The following PPA2 variants were observed in gnomAD, a reference collection of about 807,000 sequenced individuals.
The protein encoded by PPA2 is inorganic pyrophosphatase 2, mitochondrial.
A neutral mutation model predicts 49.5 loss-of-function variants in PPA2; 48 were observed. The ratio of observed to expected loss-of-function variants is 0.97; its 90% CI spans 0.77 to 1.23. The LOEUF (loss-of-function observed/expected upper bound fraction) is 1.23. Ranked by LOEUF, PPA2 falls within the 50% of genes most tolerant of loss-of-function variation. The probability of loss-of-function intolerance (pLI) is 0.00; values close to 1 mark genes in which losing one functional copy is unlikely to be tolerated. For synonymous variants in PPA2, 131 were observed against 139.9 expected (o/e 0.94, Z 0.45); for missense variants, 429 against 410.1 (o/e 1.05, Z -0.40).
chr4:105,375,581 A>G (rs1032331228), intron 10 of PPA2, among the ~76,000 whole-genome samples: 3 of 152,132 alleles, frequency 2.0e-5, no homozygotes, highest in African/African-American at 7.2e-5. Flanking sequence ...GCGTGCCCAT[A>G]GAGGGAAGTA....
chr4:105,373,362 G>A (rs563574446), intron 10 of PPA2, among the ~76,000 whole-genome samples: 31 of 152,138 alleles, frequency 2.0e-4, no homozygotes, highest in Admixed American at 1.8e-3. Context: ...ACCATAAAAC[G>A]GGTTAACCTG....
Position 105,438,071 on chromosome 4 carries a change from A to T in PPA2, c.442-35T>A, listed in dbSNP as rs115990263. 7.0e-4 allele frequency: 967 copies of T among 1,377,344 alleles called. 6 individuals are homozygous for T. The African/African-American group carries it at 0.013, about 18-fold the overall frequency. The allele number at this position is 1,377,344 out of a possible 1,614,324, so 85.3% of individuals were successfully genotyped here. On this transcript the variant is annotated intron_variant, in intron 5 of 11. Transcript: ENST00000341695. ...TTTTTTTAAAAAAAAGCAGAAATGT[A>T]AGTTAATACTATAATGTACTTTAAT...
chr4:105,412,111 T>A (rs1186477466), intron 7 of PPA2, among the ~76,000 whole-genome samples: 5 of 151,916 alleles, frequency 3.3e-5, no homozygotes, highest in African/African-American at 1.2e-4. Context: ...TCATATGGAA[T>A]CAAAAAAGAG....
chr4:105,440,237 A>G (rs572524404), intron 5 of PPA2, among the ~76,000 whole-genome samples: 1 of 152,162 alleles, frequency 6.6e-6, no homozygotes, highest in Admixed American at 6.5e-5. Flanking sequence ...AGCTATTAAG[A>G]AAGGCTTAAA....
intron 1 of PPA2, among the ~76,000 whole-genome samples, chr4:105,464,975 T>C (rs1723241454): frequency 6.6e-6 from 1 of 152,236 alleles, no homozygotes; most frequent in Admixed American, 6.5e-5. Context: ...TATTTTTTCA[T>C]ATCAAGGCTG....
chr4:105,381,093 T>TTTG (rs1161024241), intron 10 of PPA2, among the ~76,000 whole-genome samples: 1 of 152,152 alleles, frequency 6.6e-6, no homozygotes, highest in Non-Finnish European at 1.5e-5. Context: ...AATCTACAAC[T>TTTG]GTAAAATTGT....
At chr4:105,444,919 ATAAGAAGTAGATATT>A (rs1724534308) in intron 5 of PPA2, among the ~76,000 whole-genome samples, 1 of 152,172 alleles carries the variant, frequency 6.6e-6, no homozygotes, top group African/African-American at 2.4e-5. Flanking sequence ...CAACACAAAG[ATAAGAAGTAGATATT>A]TTATGTTCTC....
At chr4:105,432,476 TTC>T (rs1157206119) in intron 6 of PPA2, among the ~76,000 whole-genome samples, 1 of 152,206 alleles carries the variant, frequency 6.6e-6, no homozygotes, top group East Asian at 1.9e-4. Flanking sequence ...AAAATTAGAA[TTC>T]TGTCATTTTG....
At chr4:105,415,094 T>A (rs376233308) in intron 7 of PPA2, among the ~76,000 whole-genome samples, 1 of 152,172 alleles carries the variant, frequency 6.6e-6, no homozygotes, top group Non-Finnish European at 1.5e-5. Flanking sequence ...GATTGGCCCA[T>A]GGGCAGCCAT....
chr4:105,419,427 G>A (rs1417500132), intron 7 of PPA2, among the ~76,000 whole-genome samples: 14 of 152,092 alleles, frequency 9.2e-5, no homozygotes, highest in Non-Finnish European at 2.1e-4. Flanking sequence ...TTGTTAATGA[G>A]CCTGCTGAAG....
chr4:105,413,987 AC>A (rs571652513), intron 7 of PPA2, among the ~76,000 whole-genome samples: 10 of 152,152 alleles, frequency 6.6e-5, no homozygotes, highest in Non-Finnish European at 1.3e-4. Flanking sequence ...ATATGCAAAA[AC>A]TCTGGTATAC....
At chr4:105,449,308 T>A in intron 4 of PPA2, 42 bp downstream of exon 4, 1 of 1,258,088 alleles carries the variant, frequency 7.9e-7, no homozygotes. Context: ...TTTTATATCA[T>A]TATAATCATT....
chr4:105,446,553 T>C (rs1207451968), intron 4 of PPA2, 51 bp from the exon 5 acceptor site: 8 of 1,550,916 alleles, frequency 5.2e-6, no homozygotes, highest in Non-Finnish European at 7.0e-6. Context: ...AAATAATTAA[T>C]TCTATGTCCA....
intron 1 of PPA2, among the ~76,000 whole-genome samples, chr4:105,458,747 A>C (rs983028857): frequency 4.9e-5 from 7 of 141,466 alleles, no homozygotes; most frequent in African/African-American, 1.6e-4. Flanking sequence ...GCTTCAACCC[A>C]GGAGGCGGAG....
At chr4:105,385,175 C>T (rs1203271797) in intron 10 of PPA2, among the ~76,000 whole-genome samples, 1 of 152,166 alleles carries the variant, frequency 6.6e-6, no homozygotes, top group Non-Finnish European at 1.5e-5. Flanking sequence ...CAACTCCCAT[C>T]CCACTTCTGG....
chr4:105,473,357 GA>G, intron 1 of PPA2: 2 of 312,448 alleles, frequency 6.4e-6, no homozygotes, highest in South Asian at 5.0e-5. Flanking sequence ...AGCTTCTGGG[GA>G]AAGAACCTTC....
At chr4:105,464,622 G>C (rs950802958) in intron 1 of PPA2, among the ~76,000 whole-genome samples, 16 of 152,290 alleles carry the variant, frequency 1.1e-4, no homozygotes, top group Admixed American at 9.8e-4. Flanking sequence ...AGGAATCCTG[G>C]TGGGAGATAA....
intron 7 of PPA2, among the ~76,000 whole-genome samples, chr4:105,413,069 T>C (rs1376760690): frequency 6.6e-6 from 1 of 152,194 alleles, no homozygotes; most frequent in Non-Finnish European, 1.5e-5. Flanking sequence ...TAGCAAAGAC[T>C]TGGAACTAAC....
intron 5 of PPA2, among the ~76,000 whole-genome samples, chr4:105,443,474 G>A (rs79280709): frequency 0.037 from 5,504 of 148,820 alleles, 317 homozygotes; most frequent in African/African-American, 0.12. Context: ...ATCAGGTAGA[G>A]CTATTCCATA....
Sources: allele counts gnomAD v4.1 joint callset (sites outside exome capture counted in the v4.1 genomes callset), GRCh38; gene constraint gnomAD v4.1.1; transcripts MANE v1.5; gene names NCBI Gene and HGNC (gene_info 2026-07-23, HGNC 2026-07-21).